Variants in CTNNA2 observed in about 807,000 individuals in gnomAD.
CTNNA2 encodes catenin alpha 2, also known as catenin alpha-2.
A neutral mutation model predicts 101.0 loss-of-function variants in CTNNA2; 42 were observed. The observed-to-expected ratio is 0.42, with a 90% CI of 0.32 to 0.54. The LOEUF (loss-of-function observed/expected upper bound fraction) is 0.54, where lower values mean the gene tolerates loss of function less well. Among genes scored for constraint, CTNNA2 ranks in the 20% least tolerant of loss-of-function variants. The pLI is 0.14. For missense variants in CTNNA2, 871 were observed against 1,223.1 expected (o/e 0.71, Z 4.29); for synonymous variants, 450 against 456.4 (o/e 0.99, Z 0.18).
intron 3 of CTNNA2, among the ~76,000 whole-genome samples, chr2:79,325,660 G>A (rs1019291464): frequency 2.6e-5 from 4 of 152,146 alleles, no homozygotes; most frequent in East Asian, 1.9e-4. Context: ...CTGTGGGGAC[G>A]GGGGATCAGT....
At chr2:80,297,899 T>C (rs1675891571) in intron 7 of CTNNA2, among the ~76,000 whole-genome samples, 1 of 152,114 alleles carries the variant, frequency 6.6e-6, no homozygotes, top group Non-Finnish European at 1.5e-5. Flanking sequence ...AAAAGTTTGA[T>C]TATGAAGAAG....
chr2:80,568,202 T>C (rs991528951), intron 12 of CTNNA2, among the ~76,000 whole-genome samples: 2 of 152,182 alleles, frequency 1.3e-5, no homozygotes, highest in Non-Finnish European at 2.9e-5. Flanking sequence ...TGCCCACTAA[T>C]CACTTGTTAA....
intron 7 of CTNNA2, among the ~76,000 whole-genome samples, chr2:80,085,564 A>C (rs558159932): frequency 6.6e-6 from 1 of 152,230 alleles, no homozygotes; most frequent in Non-Finnish European, 1.5e-5. Context: ...TGAGGCATGT[A>C]TAATGGTTGA....
chr2:80,093,931 A>G (rs949906763), intron 7 of CTNNA2, among the ~76,000 whole-genome samples: 12 of 152,042 alleles, frequency 7.9e-5, no homozygotes, highest in African/African-American at 2.9e-4. Context: ...GTAGGTTGCA[A>G]AAATTTTCTC....
intron 2 of CTNNA2, among the ~76,000 whole-genome samples, chr2:79,684,651 AC>A (rs1489520290): frequency 1.3e-5 from 2 of 152,132 alleles, no homozygotes; most frequent in African/African-American, 4.8e-5. Flanking sequence ...TGAAAACCAA[AC>A]CCAAAAAAAT....
chr2:79,219,671 T>C (rs779551666), intron 2 of CTNNA2, among the ~76,000 whole-genome samples: 6 of 152,160 alleles, frequency 3.9e-5, no homozygotes, highest in Non-Finnish European at 8.8e-5. Flanking sequence ...ATGATATTCG[T>C]GGATCATAAA....
At chr2:79,962,943 C>A (rs1276472287) in intron 7 of CTNNA2, among the ~76,000 whole-genome samples, 1 of 150,766 alleles carries the variant, frequency 6.6e-6, no homozygotes, top group African/African-American at 2.4e-5. Flanking sequence ...TAGTGGCGGG[C>A]GCCTGTAGTC....
At chr2:79,289,053 T>A (rs1043547440) in intron 2 of CTNNA2, among the ~76,000 whole-genome samples, 1 of 152,184 alleles carries the variant, frequency 6.6e-6, no homozygotes, top group Non-Finnish European at 1.5e-5. Flanking sequence ...AATTTTAGGG[T>A]ATGTGAACCA....
At chr2:79,225,432 A>T (rs1018990829) in intron 2 of CTNNA2, among the ~76,000 whole-genome samples, 4 of 152,218 alleles carry the variant, frequency 2.6e-5, no homozygotes, top group African/African-American at 9.6e-5. Flanking sequence ...AGTATATAAC[A>T]TCTAAAAATA....
rs138620874 is a variant in CTNNA2, at chr2:79,225,274, C to T, written c.-406+27198C>T. Among the ~76,000 whole-genome samples the T allele has an allele frequency of 4.6e-3, 701 of 152,242 alleles. 6 individuals carry two copies. Among genetic ancestry groups the T allele is most frequent in the African/African-American group, 0.016 (676 of 41,538 alleles). On this transcript the variant is annotated intron_variant, in intron 2 of 21. Coordinates refer to the CTNNA2 transcript ENST00000466387. ...TGACAATATGTTCTAGTTTCAGTTG[C>T]TCCATGTCCTTGCTAACCTTTAGTA...
intron 2 of CTNNA2, among the ~76,000 whole-genome samples, chr2:79,706,782 C>T (rs1685410979): frequency 6.6e-6 from 1 of 152,050 alleles, no homozygotes; most frequent in South Asian, 2.1e-4. Context: ...CTTTTACAGA[C>T]ATTGAGTGGG....
chr2:79,894,040 TC>T (rs1191941758), intron 6 of CTNNA2, among the ~76,000 whole-genome samples: 4 of 133,796 alleles, frequency 3.0e-5, no homozygotes, highest in Non-Finnish European at 6.9e-5. Flanking sequence ...TTCTTCTTCT[TC>T]TTCTTCTTCT....
At chr2:80,328,785 T>A (rs1209004123) in intron 7 of CTNNA2, among the ~76,000 whole-genome samples, 1 of 152,252 alleles carries the variant, frequency 6.6e-6, no homozygotes. Flanking sequence ...CATCGTAGAA[T>A]GTACTTATAC....
intron 4 of CTNNA2, among the ~76,000 whole-genome samples, chr2:79,863,722 G>A (rs1426015207): frequency 6.6e-6 from 1 of 152,150 alleles, no homozygotes; most frequent in Non-Finnish European, 1.5e-5. Context: ...GCTGGCATAG[G>A]GCACTCTAGG....
intron 9 of CTNNA2, among the ~76,000 whole-genome samples, chr2:80,517,060 A>G (rs1689164872): frequency 6.6e-6 from 1 of 152,150 alleles, no homozygotes; most frequent in Non-Finnish European, 1.5e-5. Flanking sequence ...AAGGAAGGCA[A>G]CTTGGTGCTG....
chr2:79,310,830 T>C (rs1341395267), intron 2 of CTNNA2, among the ~76,000 whole-genome samples: 1 of 152,218 alleles, frequency 6.6e-6, no homozygotes, highest in African/African-American at 2.4e-5. Flanking sequence ...ATGTTACTAA[T>C]GTCTTTTTCT....
chr2:79,777,639 T>G (rs186034043), intron 3 of CTNNA2, among the ~76,000 whole-genome samples: 1 of 152,270 alleles, frequency 6.6e-6, no homozygotes, highest in East Asian at 1.9e-4. Context: ...TGTTTGAGCA[T>G]AAGATATGGG....
At chr2:80,334,242 T>C (rs1022254559) in intron 7 of CTNNA2, among the ~76,000 whole-genome samples, 11 of 152,228 alleles carry the variant, frequency 7.2e-5, no homozygotes, top group Admixed American at 5.9e-4. Context: ...GCATCTGTTC[T>C]GTTTAAAATT....
chr2:80,095,103 C>T (rs1700060353), intron 7 of CTNNA2, among the ~76,000 whole-genome samples: 2 of 152,164 alleles, frequency 1.3e-5, no homozygotes, highest in East Asian at 3.8e-4. Flanking sequence ...GGAATGCTTC[C>T]AGTTATTGTC....
Sources: allele counts gnomAD v4.1 joint callset (sites outside exome capture counted in the v4.1 genomes callset), GRCh38; gene constraint gnomAD v4.1.1; transcripts MANE v1.5; gene names NCBI Gene and HGNC (gene_info 2026-07-23, HGNC 2026-07-21).